Variants in SEC24B observed in about 807,000 individuals in gnomAD.
SEC24B encodes the protein protein transport protein Sec24B.
SEC24B carries 45 observed loss-of-function variants against 142.8 expected under a neutral mutation model. The ratio of observed to expected loss-of-function variants is 0.32; its 90% CI spans 0.25 to 0.40. The LOEUF is 0.40. Among genes scored for constraint, SEC24B ranks in the 10% least tolerant of loss-of-function variants. The pLI is 1.00. For missense variants in SEC24B, 1,409 were observed against 1,526.8 expected, an observed-to-expected ratio of 0.92 and a Z score of 1.29; for synonymous variants, 574 against 568.2, an observed-to-expected ratio of 1.01 and a Z score of -0.15.
At chr4:109,446,655 CG>C (rs1245581771) in intron 1 of SEC24B, among the ~76,000 whole-genome samples, 1 of 152,116 alleles carries the variant, frequency 6.6e-6, no homozygotes, top group African/African-American at 2.4e-5. Context: ...TTTTCTTATA[CG>C]TGAACAGGGT....
At position 109,531,537 on chromosome 4, in the gene SEC24B, G is replaced by A; in HGVS notation, c.3390+15G>A. On this transcript the variant is annotated intron_variant, in intron 20 of 23. Coordinates refer to ENST00000265175, the MANE Select transcript of SEC24B (RefSeq NM_006323.5). ...TGACAGATGAGGTATGTATTTTAGT[G>A]CATTTGAAATGTTTAAATTTGAATA... is the stretch of plus-strand genomic sequence containing the variant. 6.3e-7 allele frequency: 1 copy of A among 1,577,110 alleles called. No homozygotes were observed. Among genetic ancestry groups the A allele is most frequent in the Non-Finnish European group, 8.7e-7 (1 of 1,148,656 alleles).
At chr4:109,473,682 T>A (rs1732767966) in intron 3 of SEC24B, among the ~76,000 whole-genome samples, 2 of 152,234 alleles carry the variant, frequency 1.3e-5, no homozygotes, top group South Asian at 4.1e-4. Context: ...CTATATGATT[T>A]ATTGTTTGTT....
intron 1 of SEC24B, among the ~76,000 whole-genome samples, chr4:109,434,351 A>T (rs1288973083): frequency 1.3e-5 from 2 of 152,094 alleles, no homozygotes; most frequent in Non-Finnish European, 2.9e-5. Flanking sequence ...AGTAAAACCC[A>T]GTTACCTAGC....
At chr4:109,527,826 T>C (rs920232414) in intron 18 of SEC24B, among the ~76,000 whole-genome samples, 2 of 152,094 alleles carry the variant, frequency 1.3e-5, no homozygotes, top group African/African-American at 2.4e-5. Flanking sequence ...TTTTCTCTTA[T>C]TTAAAAAGCA....
intron 23 of SEC24B, among the ~76,000 whole-genome samples, chr4:109,539,268 A>T (rs899816800): frequency 4.0e-5 from 6 of 150,632 alleles, no homozygotes; most frequent in Non-Finnish European, 7.4e-5. Flanking sequence ...GGCCAATTTT[A>T]AAAATTTTTT....
intron 10 of SEC24B, 57 bp from the exon 11 acceptor site, chr4:109,516,471 T>A (rs1018578651): frequency 2.0e-6 from 2 of 1,004,366 alleles, no homozygotes; most frequent in East Asian, 5.3e-5. Context: ...AATAGTAATA[T>A]ATAAAAAGAA....
At chr4:109,482,730 C>T (rs1284504519) in intron 4 of SEC24B, among the ~76,000 whole-genome samples, 1 of 150,536 alleles carries the variant, frequency 6.6e-6, no homozygotes, top group Non-Finnish European at 1.5e-5. Flanking sequence ...CCTTCGCCTC[C>T]CAGGCTCAAG....
intron 4 of SEC24B, among the ~76,000 whole-genome samples, chr4:109,486,178 G>A (rs1174112129): frequency 1.3e-5 from 2 of 152,150 alleles, no homozygotes; most frequent in Non-Finnish European, 2.9e-5. Flanking sequence ...TGTGGAGTAG[G>A]TGTTATTATG....
chr4:109,512,933 T>C (rs1158492046), intron 9 of SEC24B, among the ~76,000 whole-genome samples: 1 of 149,822 alleles, frequency 6.7e-6, no homozygotes, highest in Admixed American at 6.7e-5. Context: ...ACCCAAGAGC[T>C]GGGATTACAG....
chr4:109,496,480 A>G (rs1445919945), intron 6 of SEC24B, among the ~76,000 whole-genome samples: 1 of 151,862 alleles, frequency 6.6e-6, no homozygotes, highest in Non-Finnish European at 1.5e-5. Context: ...GACTAACCTT[A>G]TAGAAATTTT....
At chr4:109,509,192 A>C (rs945834942) in intron 7 of SEC24B, among the ~76,000 whole-genome samples, 1 of 152,156 alleles carries the variant, frequency 6.6e-6, no homozygotes. Flanking sequence ...TGAATGGCAA[A>C]TATGGAGGTC....
rs979765636 is a variant in SEC24B at position 109,463,160 on chromosome 4, A to C, written c.393A>C (p.Leu131=). The C allele has an allele frequency of 6.2e-7, 1 of 1,614,046 alleles. No individual in the cohort carries two copies. The highest frequency in any genetic ancestry group is 1.7e-5 in the Admixed American group (1 of 60,000). Residue 131 remains leucine (L), a synonymous_variant, in exon 2 of 24, where the codon CTA becomes CTC. Coordinates refer to ENST00000265175, the MANE Select transcript of SEC24B (RefSeq NM_006323.5). ...PPAPHIVGST[L]GSFQGAASSA... ...CCCCTCATATTGTGGGATCCACTCT[A>C]GGATCTTTCCAAGGTGCTGCATCGT... is the stretch of plus-strand genomic sequence containing the variant.
intron 3 of SEC24B, among the ~76,000 whole-genome samples, chr4:109,476,262 C>T (rs1259065326): frequency 1.3e-5 from 2 of 152,176 alleles, no homozygotes; most frequent in Non-Finnish European, 2.9e-5. Flanking sequence ...GTTAGGATTA[C>T]AGGCGTGACC....
intron 6 of SEC24B, among the ~76,000 whole-genome samples, chr4:109,500,216 A>T (rs895848487): frequency 2.6e-5 from 4 of 152,176 alleles, no homozygotes; most frequent in Non-Finnish European, 5.9e-5. Context: ...AGTTATTTAG[A>T]TTGGTGCAAA....
intron 5 of SEC24B, among the ~76,000 whole-genome samples, chr4:109,492,612 C>A (rs529601966): frequency 6.6e-6 from 1 of 152,092 alleles, no homozygotes; most frequent in South Asian, 2.1e-4. Context: ...TATACTACAC[C>A]AAAATTAAAG....
At position 109,433,964 on chromosome 4, in the gene SEC24B, C is replaced by T; in HGVS notation, c.95C>T (p.Ala32Val). ...GAAVSGAAAP[A>V]GPGAGPAPHQ... Reference sequence around the variant, plus strand: ...GCCGTCTCAGGAGCCGCAGCGCCCGCGGGCCCGGGTGCGGGCCCGGCGCCG... The same window carrying T: ...GCCGTCTCAGGAGCCGCAGCGCCCGTGGGCCCGGGTGCGGGCCCGGCGCCG... The change falls in exon 1 of 24, where the codon GCG becomes GTG. Residue 32 changes from alanine (A) to valine (V), a missense_variant. Physicochemically the swap from Ala to Val is moderately conservative, Grantham distance 64 (BLOSUM62 0). Transcript: ENST00000265175. 8.1e-7 allele frequency: 1 copy of T among 1,231,708 alleles called. No homozygotes were observed. The highest frequency in any genetic ancestry group is 1.6e-5 in the African/African-American group (1 of 63,244). The allele number at this position is 1,231,708 out of a possible 1,614,324, so 76.3% of individuals were successfully genotyped here.
In SEC24B at chr4:109,433,847, C is replaced by A; in HGVS notation, c.-23C>A. On this transcript the variant is annotated 5_prime_UTR_variant, in exon 1 of 24. Transcript: ENST00000265175. ...CTCCGCCCACCTCCCTGAAGCGGAG[C>A]CGCCGTCGCCACCAGCGCCGTCATG... 1.6e-6 allele frequency: 2 copies of A among 1,289,846 alleles called. No homozygotes were observed. Among genetic ancestry groups the A allele is most frequent in the Non-Finnish European group, 2.0e-6 (2 of 1,017,116 alleles). The allele number at this position is 1,289,846 out of a possible 1,614,324, so 79.9% of individuals were successfully genotyped here.
chr4:109,481,009 A>G (rs1041542191), intron 3 of SEC24B, among the ~76,000 whole-genome samples: 5 of 152,102 alleles, frequency 3.3e-5, no homozygotes, highest in Admixed American at 1.3e-4. Flanking sequence ...TCGGACTCAC[A>G]TGTAGGCAAT....
In SEC24B at chr4:109,531,525, A is replaced by T. The variant is rs1447529465; in HGVS notation, c.3390+3A>T. ...GGATAGACAGATTGACAGATGAGGT[A>T]TGTATTTTAGTGCATTTGAAATGTT... On this transcript the variant is annotated splice_donor_region_variant and intron_variant, in intron 20 of 23. Transcript: ENST00000265175. 1.3e-5 allele frequency: 20 copies of T among 1,599,772 alleles called. No individual in the cohort carries two copies. Among genetic ancestry groups the T allele is most frequent in the Non-Finnish European group, 1.6e-5 (19 of 1,167,962 alleles).
Sources: allele counts gnomAD v4.1 joint callset (sites outside exome capture counted in the v4.1 genomes callset), GRCh38; gene constraint gnomAD v4.1.1; transcripts MANE v1.5; gene names NCBI Gene and HGNC (gene_info 2026-07-23, HGNC 2026-07-21).